DACH1: variants seen among roughly 807,000 people sequenced by gnomAD.
DACH1 encodes dachshund homolog 1.
In DACH1, 12 loss-of-function variants were observed where a neutral mutation model predicts 54.2. The ratio of observed to expected loss-of-function variants is 0.22; its 90% CI spans 0.14 to 0.36. The LOEUF is 0.36. Among genes scored for constraint, DACH1 ranks in the 10% least tolerant of loss-of-function variants. The probability of loss-of-function intolerance (pLI) is 1.00; values close to 1 mark genes in which losing one functional copy is unlikely to be tolerated. For synonymous variants in DACH1, 386 were observed against 366.2 expected (o/e 1.05, Z -0.62); for missense variants, 805 against 929.8 (o/e 0.87, Z 1.75).
chr13:71,643,574 A>G (rs1327209144), intron 2 of DACH1, among the ~76,000 whole-genome samples: 1 of 152,222 alleles, frequency 6.6e-6, no homozygotes, highest in Non-Finnish European at 1.5e-5. Flanking sequence ...TTATCTAATC[A>G]AAGGAGACTT....
In DACH1 at chr13:71,588,764, T is replaced by C. The variant is rs1355437799; in HGVS notation, c.1127-15752A>G. On this transcript the variant is annotated intron_variant, in intron 3 of 10. Coordinates refer to ENST00000613252, the MANE Select transcript of DACH1 (RefSeq NM_080759.6). ...TAAATGAGATTAGTAAATCACTTTG[T>C]CAATCACACAATAATTTTACTGTGT... 7.7e-4 allele frequency among the ~76,000 whole-genome samples: 3 copies of C among 3,906 alleles called. No homozygotes were observed. In the Non-Finnish European group the frequency reaches 0.012, roughly 16 times the overall value. The allele number at this position is 3,906 out of a possible 152,430, so 2.6% of individuals were successfully genotyped here.
intron 8 of DACH1, among the ~76,000 whole-genome samples, chr13:71,476,744 T>C (rs909474383): frequency 6.6e-6 from 1 of 152,132 alleles, no homozygotes; most frequent in African/African-American, 2.4e-5. Flanking sequence ...ACAAAATGTA[T>C]ATCAACTATG....
intron 1 of DACH1, among the ~76,000 whole-genome samples, chr13:71,804,060 G>A (rs536696479): frequency 3.9e-5 from 6 of 152,226 alleles, no homozygotes; most frequent in African/African-American, 1.4e-4. Context: ...GGCTCACATA[G>A]GTAATCCCAG....
intron 1 of DACH1, among the ~76,000 whole-genome samples, chr13:71,848,352 A>G (rs941107722): frequency 1.3e-5 from 2 of 152,178 alleles, no homozygotes; most frequent in South Asian, 2.1e-4. Context: ...CGTTATATGT[A>G]TATAAGGACT....
Position 71,762,278 on chromosome 13 carries a change from T to C in DACH1, c.849-80368A>G, listed in dbSNP as rs1042308585. ...ACATTCATTCACCCAATATGTTTTATTGAAGGCCTACAGTGTCTTAGTCCC... is the reference window on the plus strand; with the variant it reads ...ACATTCATTCACCCAATATGTTTTACTGAAGGCCTACAGTGTCTTAGTCCC... On this transcript the variant is annotated intron_variant, in intron 1 of 10. Coordinates refer to ENST00000613252, the MANE Select transcript of DACH1 (RefSeq NM_080759.6). Among the ~76,000 whole-genome samples the C allele has an allele frequency of 4.6e-5, 7 of 152,234 alleles. No homozygotes were observed. In the South Asian group the frequency reaches 1.2e-3, roughly 27 times the overall value.
At chr13:71,782,889 T>C (rs1044824313) in intron 1 of DACH1, among the ~76,000 whole-genome samples, 6 of 152,182 alleles carry the variant, frequency 3.9e-5, no homozygotes, top group Admixed American at 3.9e-4. Context: ...TTTATCTAAT[T>C]TCTTCAAAGT....
chr13:71,563,818 A>C (rs950776185), intron 4 of DACH1, among the ~76,000 whole-genome samples: 1 of 151,618 alleles, frequency 6.6e-6, no homozygotes, highest in South Asian at 2.1e-4. Flanking sequence ...GGATACAAAA[A>C]CAACAGTTAA....
At chr13:71,811,871 CTGAT>C (rs977382721) in intron 1 of DACH1, among the ~76,000 whole-genome samples, 7 of 152,252 alleles carry the variant, frequency 4.6e-5, no homozygotes, top group African/African-American at 2.4e-5. Context: ...ATTTTTTAAA[CTGAT>C]TATTTTATTG....
intron 1 of DACH1, among the ~76,000 whole-genome samples, chr13:71,862,953 C>T (rs9318038): frequency 0.39 from 59,474 of 151,724 alleles, 13,872 homozygotes; most frequent in East Asian, 0.83. Flanking sequence ...TAATTTTATA[C>T]AGTTTCCCTT....
At chr13:71,539,360 G>A (rs1044912808) in intron 6 of DACH1, among the ~76,000 whole-genome samples, 4 of 152,006 alleles carry the variant, frequency 2.6e-5, no homozygotes, top group Non-Finnish European at 4.4e-5. Flanking sequence ...AGATTAGGTT[G>A]TGTGCACCCT....
chr13:71,511,273 T>C (rs1880754803), intron 6 of DACH1, among the ~76,000 whole-genome samples: 1 of 152,014 alleles, frequency 6.6e-6, no homozygotes, highest in African/African-American at 2.4e-5. Flanking sequence ...TTAGGCACTC[T>C]TGTTCCAAAG....
intron 2 of DACH1, among the ~76,000 whole-genome samples, chr13:71,662,601 G>A (rs1566414992): frequency 6.6e-6 from 1 of 151,936 alleles, no homozygotes; most frequent in Non-Finnish European, 1.5e-5. Context: ...ATACTCTAAT[G>A]ATCTAAAAAT....
intron 3 of DACH1, among the ~76,000 whole-genome samples, chr13:71,613,992 AGTTT>A (rs1314821006): frequency 6.6e-5 from 10 of 152,138 alleles, no homozygotes; most frequent in South Asian, 4.1e-4. Flanking sequence ...CCAGCATCTG[AGTTT>A]GTTTGTTTGT....
At chr13:71,700,141 A>C (rs903332976) in intron 1 of DACH1, among the ~76,000 whole-genome samples, 5 of 152,310 alleles carry the variant, frequency 3.3e-5, no homozygotes, top group Admixed American at 3.3e-4. Context: ...GTTTGGACAC[A>C]CGTTGGCATC....
chr13:71,511,322 T>C (rs975865831), intron 6 of DACH1, among the ~76,000 whole-genome samples: 1 of 151,910 alleles, frequency 6.6e-6, no homozygotes, highest in African/African-American at 2.4e-5. Context: ...GTGAGGAAAC[T>C]GAAATGAGGA....
At chr13:71,540,769 G>A (rs897019423) in intron 6 of DACH1, among the ~76,000 whole-genome samples, 1 of 151,588 alleles carries the variant, frequency 6.6e-6, no homozygotes, top group Non-Finnish European at 1.5e-5. Flanking sequence ...CATGACTTAG[G>A]GTATTTAGTC....
At chr13:71,701,972 C>T (rs1882157656) in intron 1 of DACH1, among the ~76,000 whole-genome samples, 1 of 152,124 alleles carries the variant, frequency 6.6e-6, no homozygotes, top group Admixed American at 6.5e-5. Context: ...CCTGCGTGTG[C>T]ATGGGAAAGC....
chr13:71,779,283 G>GTA lies in DACH1; in HGVS notation c.848+86637_848+86638dup, dbSNP rs10572282. Among the ~76,000 whole-genome samples the GTA allele has an allele frequency of 1.8e-3, 212 of 118,678 alleles. 8 individuals are homozygous for GTA. The highest frequency in any genetic ancestry group is 4.7e-3 in the African/African-American group (114 of 24,456). 77.9% of individuals were successfully genotyped at this position (118,678 alleles called of 152,430 possible). The stretch of plus-strand genomic sequence containing the variant: ...TATATGTGTATATATACGTATATAC[G>GTA]TATATATACACATATATATATTTAT... On this transcript the variant is annotated intron_variant, in intron 1 of 10. Transcript: ENST00000613252.
At chr13:71,670,872 G>A (rs1880167716) in intron 2 of DACH1, among the ~76,000 whole-genome samples, 1 of 151,924 alleles carries the variant, frequency 6.6e-6, no homozygotes, top group South Asian at 2.1e-4. Flanking sequence ...TTTTACAGGT[G>A]AAAGAAATGA....
Sources: gnomAD v4.1 joint callset for allele counts (sites outside exome capture counted in the v4.1 genomes callset) on GRCh38, gnomAD v4.1.1 for gene constraint, MANE v1.5 for transcripts, NCBI Gene and HGNC (gene_info 2026-07-23, HGNC 2026-07-21) for gene names.